The following FHIT variants were observed in gnomAD, a reference collection of about 807,000 sequenced individuals.
FHIT encodes bis(5'-adenosyl)-triphosphatase.
Under a neutral mutation model 17.9 loss-of-function variants are expected in FHIT, and 19 were observed. The ratio of observed to expected loss-of-function variants is 1.06; its 90% CI spans 0.74 to 1.56. The LOEUF (loss-of-function observed/expected upper bound fraction) is 1.56. Among genes scored for constraint, FHIT ranks in the 40% most tolerant of loss-of-function variants. The probability of loss-of-function intolerance (pLI) is 0.00; values close to 1 mark genes in which losing one functional copy is unlikely to be tolerated. For missense variants in FHIT, 248 were observed against 189.2 expected, an observed-to-expected ratio of 1.31 and a Z score of -1.82; for synonymous variants, 81 against 69.7, an observed-to-expected ratio of 1.16 and a Z score of -0.81.
chr3:60,538,573 G>A lies in FHIT; in HGVS notation c.-17-1594C>T, dbSNP rs369882563. ...AGGCTACAGTAACCAAAACAGCATG[G>A]TACTGGTACCAAAACAGAGATATAG... On this transcript the variant is annotated intron_variant, in intron 4 of 9. Transcript: ENST00000492590. Among the ~76,000 whole-genome samples the A allele has an allele frequency of 1.1e-4, 16 of 152,230 alleles. No homozygotes were observed. In the East Asian group the frequency reaches 1.5e-3, roughly 15 times the overall value.
intron 3 of FHIT, among the ~76,000 whole-genome samples, chr3:60,952,577 T>G (rs1039081599): frequency 6.6e-6 from 1 of 152,168 alleles, no homozygotes; most frequent in African/African-American, 2.4e-5. Context: ...ATATGCCACT[T>G]TAGCCTAAGG....
intron 3 of FHIT, among the ~76,000 whole-genome samples, chr3:60,845,360 G>A (rs1234704453): frequency 3.3e-5 from 5 of 151,800 alleles, no homozygotes; most frequent in African/African-American, 1.2e-4. Flanking sequence ...AAAAAACTAA[G>A]GCTGCAGACT....
chr3:60,664,998 C>T (rs1391651077), intron 4 of FHIT, among the ~76,000 whole-genome samples: 4 of 151,688 alleles, frequency 2.6e-5, no homozygotes, highest in African/African-American at 9.7e-5. Context: ...TGTCTACTTG[C>T]TTTTACTTTA....
chr3:60,727,198 G>A (rs1336571006), intron 4 of FHIT, among the ~76,000 whole-genome samples: 3 of 151,822 alleles, frequency 2.0e-5, no homozygotes, highest in African/African-American at 4.8e-5. Flanking sequence ...CGAGAAAGAC[G>A]GATCCTTAAA....
chr3:61,148,554 G>A, intron 2 of FHIT, among the ~76,000 whole-genome samples: 1 of 152,160 alleles, frequency 6.6e-6, no homozygotes, highest in East Asian at 1.9e-4. Context: ...TTGTTGGTGA[G>A]TACCACCTCA....
intron 7 of FHIT, among the ~76,000 whole-genome samples, chr3:59,986,521 A>ATATATG (rs1708920631): frequency 1.9e-4 from 1 of 5,330 alleles, no homozygotes; most frequent in African/African-American, 5.3e-4. Context: ...ATATATATAT[A>ATATATG]TATATATATA....
intron 5 of FHIT, among the ~76,000 whole-genome samples, chr3:60,488,794 T>C (rs1015516368): frequency 6.6e-6 from 1 of 152,172 alleles, no homozygotes; most frequent in African/African-American, 2.4e-5. Flanking sequence ...TCAAGTTCAA[T>C]AGATTGAGAG....
At chr3:59,933,919 T>A (rs1290202913) in intron 7 of FHIT, among the ~76,000 whole-genome samples, 1 of 152,166 alleles carries the variant, frequency 6.6e-6, no homozygotes, top group South Asian at 2.1e-4. Flanking sequence ...CTAACTCTTA[T>A]CTATCAATAC....
chr3:60,651,999 T>A (rs1224445856), intron 4 of FHIT, among the ~76,000 whole-genome samples: 2 of 152,126 alleles, frequency 1.3e-5, no homozygotes, highest in African/African-American at 2.4e-5. Flanking sequence ...GATAAATGAT[T>A]TGAATAAAAG....
chr3:60,522,988 G>C (rs535046519), intron 5 of FHIT, among the ~76,000 whole-genome samples: 1 of 152,228 alleles, frequency 6.6e-6, no homozygotes, highest in South Asian at 2.1e-4. Flanking sequence ...GAAGTCAAAA[G>C]GCACATCTTA....
intron 5 of FHIT, among the ~76,000 whole-genome samples, chr3:60,069,680 CT>C (rs1702679585): frequency 6.6e-6 from 1 of 152,140 alleles, no homozygotes; most frequent in Admixed American, 6.5e-5. Context: ...AGTAAAGTTT[CT>C]TCTTGGAAAG....
intron 5 of FHIT, among the ~76,000 whole-genome samples, chr3:60,222,050 G>A (rs1467870754): frequency 6.6e-6 from 1 of 152,108 alleles, no homozygotes; most frequent in Non-Finnish European, 1.5e-5. Flanking sequence ...CTGGTAGGCA[G>A]TAAGTGCTCA....
chr3:60,482,729 A>G (rs765147911), intron 5 of FHIT, among the ~76,000 whole-genome samples: 22 of 152,288 alleles, frequency 1.4e-4, no homozygotes, highest in Non-Finnish European at 2.8e-4. Flanking sequence ...GAAAGCTAGA[A>G]AGATCTCAAA....
At chr3:60,162,829 G>A (rs1019334641) in intron 5 of FHIT, among the ~76,000 whole-genome samples, 1 of 152,078 alleles carries the variant, frequency 6.6e-6, no homozygotes, top group Non-Finnish European at 1.5e-5. Flanking sequence ...GGCTTCCCTG[G>A]ATATTGAGAG....
At chr3:60,651,655 A>G (rs976871744) in intron 4 of FHIT, among the ~76,000 whole-genome samples, 1 of 152,212 alleles carries the variant, frequency 6.6e-6, no homozygotes, top group African/African-American at 2.4e-5. Context: ...GAGGCTGTAG[A>G]AAAATGAACG....
intron 3 of FHIT, among the ~76,000 whole-genome samples, chr3:60,845,938 A>G (rs984124252): frequency 1.3e-5 from 2 of 152,234 alleles, no homozygotes; most frequent in African/African-American, 4.8e-5. Flanking sequence ...CATTGGCAAC[A>G]TATCTAAACA....
intron 5 of FHIT, among the ~76,000 whole-genome samples, chr3:60,458,456 G>A (rs1036995800): frequency 7.3e-6 from 1 of 137,248 alleles, no homozygotes; most frequent in Non-Finnish European, 1.6e-5. Flanking sequence ...GGGGAGGGGG[G>A]AGGGATAGCA....
Position 60,117,916 on chromosome 3 carries a change from A to G in FHIT, c.104-103764T>C, listed in dbSNP as rs144100112. Among the ~76,000 whole-genome samples the G allele has an allele frequency of 4.3e-3, 660 of 152,276 alleles. 6 individuals are homozygous for G. The highest frequency in any genetic ancestry group is 0.015 in the African/African-American group (606 of 41,548). On this transcript the variant is annotated intron_variant, in intron 5 of 9. Coordinates refer to ENST00000492590, the MANE Select transcript of FHIT (RefSeq NM_002012.4). ...GCCTTAGGATATCCATGAGGCTGTC[A>G]GGCACCAGTGAAAATCAGGTCTGGT...
Position 60,434,951 on chromosome 3 carries a change from T to C in FHIT, c.103+101909A>G, listed in dbSNP as rs143619081. Reference sequence around the variant, plus strand: ...AAACAGGTATCATTTGTAACAGTGTTTTTTCTCCACTGTGGCATGTATCAA... The same window carrying C: ...AAACAGGTATCATTTGTAACAGTGTCTTTTCTCCACTGTGGCATGTATCAA... On this transcript the variant is annotated intron_variant, in intron 5 of 9. Transcript: ENST00000492590. 1.1e-4 allele frequency among the ~76,000 whole-genome samples: 16 copies of C among 152,282 alleles called. No individual in the cohort carries two copies. The East Asian group carries it at 3.1e-3, about 30-fold the overall frequency.
Sources: gnomAD v4.1 joint callset for allele counts (sites outside exome capture counted in the v4.1 genomes callset) on GRCh38, gnomAD v4.1.1 for gene constraint, MANE v1.5 for transcripts, NCBI Gene and HGNC (gene_info 2026-07-23, HGNC 2026-07-21) for gene names.